Variants in INSC observed in about 807,000 individuals in gnomAD.
INSC encodes the protein protein inscuteable homolog.
INSC carries 67 observed loss-of-function variants against 58.6 expected under a neutral mutation model. The observed-to-expected ratio is 1.14, with a 90% confidence interval of 0.94 to 1.40. The LOEUF is 1.40. Ranked by LOEUF, INSC falls within the 40% of genes most tolerant of loss-of-function variation. INSC has a pLI of 0.00. For missense variants in INSC, 714 were observed against 692.0 expected (o/e 1.03, Z -0.36); for synonymous variants, 262 against 276.1 (o/e 0.95, Z 0.51).
At chr11:15,245,810 T>A in intron 12 of INSC, 102 bp from the exon 13 acceptor site, 1 of 1,455,722 alleles carries the variant, frequency 6.9e-7, no homozygotes. Context: ...GTCTGGTAAA[T>A]GCACCACTTT....
chr11:15,170,303 G>C (rs943664626), intron 2 of INSC, among the ~76,000 whole-genome samples: 14 of 151,690 alleles, frequency 9.2e-5, no homozygotes, highest in African/African-American at 3.4e-4. Flanking sequence ...CTCTGTTTCA[G>C]GATTCCACCC....
chr11:15,162,471 A>G (rs1312603065), intron 2 of INSC, among the ~76,000 whole-genome samples: 1 of 152,160 alleles, frequency 6.6e-6, no homozygotes, highest in South Asian at 2.1e-4. Context: ...TAAAATGAAA[A>G]TTACTTACCT....
intron 2 of INSC, among the ~76,000 whole-genome samples, chr11:15,155,524 C>T (rs533230254): frequency 5.3e-5 from 8 of 152,278 alleles, no homozygotes; most frequent in African/African-American, 9.6e-5. Flanking sequence ...GTGCAATAAA[C>T]GATCCTGCCC....
At chr11:15,216,717 G>T (rs1053755796) in intron 7 of INSC, among the ~76,000 whole-genome samples, 1 of 152,158 alleles carries the variant, frequency 6.6e-6, no homozygotes, top group Non-Finnish European at 1.5e-5. Context: ...TAAACTTTGG[G>T]CCCCAGTGCA....
intron 5 of INSC, among the ~76,000 whole-genome samples, chr11:15,184,862 A>G (rs1490444840): frequency 1.3e-5 from 2 of 152,234 alleles, no homozygotes; most frequent in Non-Finnish European, 2.9e-5. Context: ...TCAACAAAAC[A>G]TATTTGAAGA....
chr11:15,197,061 C>T (rs374450237), intron 6 of INSC, among the ~76,000 whole-genome samples: 19 of 152,362 alleles, frequency 1.2e-4, no homozygotes, highest in African/African-American at 3.1e-4. Flanking sequence ...ACCATCTCAT[C>T]TGATTCTCTG....
chr11:15,187,277 T>C (rs74424909), intron 5 of INSC, among the ~76,000 whole-genome samples: 2,867 of 152,324 alleles, frequency 0.019, 99 homozygotes, highest in African/African-American at 0.066. Context: ...TGCTTGCTTC[T>C]ATTGGTCAAG....
upstream of INSC, chr11:15,112,585 GATGTGAGT>G: frequency 7.8e-7 from 1 of 1,283,358 alleles, no homozygotes; most frequent in South Asian, 1.3e-5. Flanking sequence ...TGGGAAGGTG[GATGTGAGT>G]GTGTGTGTGT....
intron 2 of INSC, among the ~76,000 whole-genome samples, chr11:15,150,433 C>A (rs1848613849): frequency 6.6e-6 from 1 of 152,222 alleles, no homozygotes; most frequent in East Asian, 1.9e-4. Context: ...TAATTGACTT[C>A]TTTCTGTTGT....
rs1851807272 is a variant in INSC, at chr11:15,229,965, TATATATATATATATTATATATA to T, written c.1170+4138_1170+4159del. Among the ~76,000 whole-genome samples the T allele has an allele frequency of 2.0e-4, 5 of 24,504 alleles. 1 individual carries two copies. Among genetic ancestry groups the T allele is most frequent in the Non-Finnish European group, 3.2e-4 (5 of 15,818 alleles). The allele number at this position is 24,504 out of a possible 152,430, so 16.1% of individuals were successfully genotyped here. A position where few individuals can be genotyped will look rare whatever the true frequency, so the allele number is the denominator to read the frequency against. ...ATATAATATTATATATATATTTATATATATATATATATATTATATATATATATATATATATATATATATATAT... is the reference window on the plus strand; with the variant it reads ...ATATAATATTATATATATATTTATATTATATATATATATATATATATATAT... On this transcript the variant is annotated intron_variant, in intron 9 of 12. Coordinates refer to ENST00000379556, the MANE Select transcript of INSC (RefSeq NM_001042536.3).
At chr11:15,154,572 T>G in intron 2 of INSC, among the ~76,000 whole-genome samples, 1 of 152,194 alleles carries the variant, frequency 6.6e-6, no homozygotes, top group East Asian at 1.9e-4. Context: ...GAAAAAAGTT[T>G]GCAATCTCAT....
At chr11:15,184,069 A>G (rs551505222) in intron 5 of INSC, among the ~76,000 whole-genome samples, 4 of 152,248 alleles carry the variant, frequency 2.6e-5, no homozygotes, top group African/African-American at 9.6e-5. Flanking sequence ...TTAAATTCTC[A>G]GTTCTTATTT....
intron 3 of INSC, 40 bp from the exon 4 acceptor site, chr11:15,177,071 T>A: frequency 1.3e-6 from 2 of 1,529,374 alleles, no homozygotes; most frequent in South Asian, 2.2e-5. Flanking sequence ...CCTCAGTTAA[T>A]GCTTACTGAG....
chr11:15,117,549 T>G (rs1419181975), intron 1 of INSC, among the ~76,000 whole-genome samples: 2 of 152,238 alleles, frequency 1.3e-5, no homozygotes, highest in Non-Finnish European at 2.9e-5. Context: ...GTAATAACTA[T>G]GTTAGTTGGA....
chr11:15,224,217 G>A (rs1376620475), intron 8 of INSC, among the ~76,000 whole-genome samples: 1 of 152,128 alleles, frequency 6.6e-6, no homozygotes, highest in African/African-American at 2.4e-5. Flanking sequence ...AGAAATGGTA[G>A]CTGCTGATAC....
At chr11:15,258,957 A>G in the INSC span, among the ~76,000 whole-genome samples, 528 of 152,306 alleles carry the variant, frequency 3.5e-3, 3 homozygotes, top group African/African-American at 0.012. Context: ...ATGTGGTAAC[A>G]ATACAAAACA....
Position 15,149,209 on chromosome 11 carries a change from C to T in INSC, c.35C>T (p.Ser12Phe). Residue 12 changes from serine to phenylalanine, a missense_variant, in exon 2 of 13, where the codon TCC (serine) becomes TTC (phenylalanine). Coordinates refer to ENST00000379556, the MANE Select transcript of INSC (RefSeq NM_001042536.3). ...CTGCCTGGAGGTCGCCACCTGGACTCCGTCACCCTGCCGGGTCAGCGGTAA... is the reference window on the plus strand; with the variant it reads ...CTGCCTGGAGGTCGCCACCTGGACTTCGTCACCCTGCCGGGTCAGCGGTAA... ...MALPGGRHLD[S>F]VTLPGQRLHL... 6.2e-7 allele frequency: 1 copy of T among 1,609,146 alleles called. No homozygotes were observed. Among genetic ancestry groups the T allele is most frequent in the South Asian group, 1.1e-5 (1 of 90,450 alleles).
Position 15,204,110 on chromosome 11 carries a change from C to T in INSC, c.819+3161C>T, listed in dbSNP as rs139232067. Among the ~76,000 whole-genome samples, 272 of 152,316 alleles carry T rather than the reference C, an allele frequency of 1.8e-3. 1 individual carries two copies. The highest frequency in any genetic ancestry group is 6.1e-3 in the African/African-American group (252 of 41,552). ...GCAGGTAAGGAAGATGTCATGACCA[C>T]GGTGAGAGGAACAATAACTAACATA... On this transcript the variant is annotated intron_variant, in intron 7 of 12. Transcript: ENST00000379556.
intron 2 of INSC, among the ~76,000 whole-genome samples, chr11:15,165,897 G>C (rs1849179554): frequency 6.6e-6 from 1 of 152,080 alleles, no homozygotes; most frequent in African/African-American, 2.4e-5. Flanking sequence ...TATGTTAGAT[G>C]AACTCTGGGG....
Sources: allele counts gnomAD v4.1 joint callset (sites outside exome capture counted in the v4.1 genomes callset), GRCh38; gene constraint gnomAD v4.1.1; transcripts MANE v1.5; gene names NCBI Gene and HGNC (gene_info 2026-07-23, HGNC 2026-07-21).